FMN2: variants seen among roughly 807,000 people sequenced by gnomAD.
FMN2 encodes formin 2.
Under a neutral mutation model 142.3 loss-of-function variants are expected in FMN2, and 51 were observed. The ratio of observed to expected loss-of-function variants is 0.36; its 90% CI spans 0.29 to 0.45. The LOEUF is 0.45. Ranked by LOEUF, FMN2 falls within the 20% of genes least tolerant of loss-of-function variation. FMN2 has a pLI of 1.00. For synonymous variants in FMN2, 882 were observed against 869.8 expected (o/e 1.01, Z -0.25); for missense variants, 1,936 against 2,122.8 (o/e 0.91, Z 1.73).
At chr1:240,158,242 C>G (rs778543990) in intron 2 of FMN2, among the ~76,000 whole-genome samples, 2 of 151,998 alleles carry the variant, frequency 1.3e-5, no homozygotes, top group Non-Finnish European at 2.9e-5. Flanking sequence ...AAGAAAACCA[C>G]TGGTTTTCAA....
At chr1:240,413,281 G>C (rs1308517327) in intron 15 of FMN2, among the ~76,000 whole-genome samples, 1 of 151,650 alleles carries the variant, frequency 6.6e-6, no homozygotes, top group Non-Finnish European at 1.5e-5. Flanking sequence ...TATGGAACCC[G>C]ATCCATGGGG....
chr1:240,164,723 CTATT>C (rs1272306013), intron 2 of FMN2, among the ~76,000 whole-genome samples: 1 of 152,132 alleles, frequency 6.6e-6, no homozygotes, highest in Non-Finnish European at 1.5e-5. Context: ...TGAAGGTCAT[CTATT>C]TGTGGCTGCT....
At chr1:240,325,763 T>C (rs1028846693) in intron 8 of FMN2, among the ~76,000 whole-genome samples, 1 of 152,300 alleles carries the variant, frequency 6.6e-6, no homozygotes, top group Admixed American at 6.5e-5. Flanking sequence ...TGTGCTTTTG[T>C]TAGTGATTTT....
intron 14 of FMN2, among the ~76,000 whole-genome samples, chr1:240,364,033 A>G (rs752177625): frequency 1.1e-4 from 16 of 152,156 alleles, no homozygotes; most frequent in Admixed American, 3.9e-4. Context: ...CCTTAATGCT[A>G]TTTCTGCTGT....
chr1:240,334,265 T>A, intron 13 of FMN2, 36 bp downstream of exon 13: 2 of 1,548,604 alleles, frequency 1.3e-6, no homozygotes, highest in Non-Finnish European at 1.7e-6. Flanking sequence ...TTTCTGTTTA[T>A]GCTTTTTTAA....
intron 16 of FMN2, among the ~76,000 whole-genome samples, chr1:240,454,589 A>C (rs1676176832): frequency 6.6e-6 from 1 of 152,174 alleles, no homozygotes; most frequent in African/African-American, 2.4e-5. Context: ...TAGATTATAG[A>C]TCTCCTATTT....
chr1:240,148,746 C>G (rs1374838652), intron 2 of FMN2, among the ~76,000 whole-genome samples: 1 of 151,978 alleles, frequency 6.6e-6, no homozygotes, highest in Non-Finnish European at 1.5e-5. Context: ...TTTGGGAGGC[C>G]GAGGCGGGCG....
chr1:240,364,896 AAC>A (rs1410316319), intron 14 of FMN2, among the ~76,000 whole-genome samples: 1 of 152,210 alleles, frequency 6.6e-6, no homozygotes, highest in African/African-American at 2.4e-5. Context: ...TGTGTTCTCT[AAC>A]ACTGTAAGTA....
chr1:240,294,688 G>T, intron 7 of FMN2, 134 bp from the exon 8 acceptor site: 1 of 721,872 alleles, frequency 1.4e-6, no homozygotes. Context: ...CTTTGCAGTG[G>T]GGGCAAGGGG....
intron 6 of FMN2, among the ~76,000 whole-genome samples, chr1:240,248,755 T>A (rs1668175429): frequency 6.6e-6 from 1 of 151,990 alleles, no homozygotes; most frequent in African/African-American, 2.4e-5. Flanking sequence ...TAAATAATAG[T>A]CATTTTAACT....
At chr1:240,239,966 C>A (rs1231931613) in intron 6 of FMN2, among the ~76,000 whole-genome samples, 1 of 152,108 alleles carries the variant, frequency 6.6e-6, no homozygotes, top group African/African-American at 2.4e-5. Context: ...CATAATTTCC[C>A]TGAAATTGAG....
At chr1:240,143,526 G>A in intron 2 of FMN2, 2 of 1,590,586 alleles carry the variant, frequency 1.3e-6, no homozygotes, top group Non-Finnish European at 8.6e-7. Context: ...TGGAGTCAAA[G>A]TGTTCGCTGC....
intron 13 of FMN2, among the ~76,000 whole-genome samples, chr1:240,343,715 A>G (rs1005321191): frequency 5.9e-5 from 9 of 152,194 alleles, no homozygotes; most frequent in African/African-American, 2.2e-4. Flanking sequence ...GTTCAATGAG[A>G]TGAAATTAAT....
At chr1:240,251,688 T>C (rs578162637) in intron 6 of FMN2, among the ~76,000 whole-genome samples, 1 of 152,192 alleles carries the variant, frequency 6.6e-6, no homozygotes, top group East Asian at 1.9e-4. Context: ...CCTACTATTA[T>C]TGTATTTGAG....
At chr1:240,185,732 A>G (rs926509171) in intron 3 of FMN2, among the ~76,000 whole-genome samples, 15 of 152,236 alleles carry the variant, frequency 9.9e-5, no homozygotes, top group African/African-American at 3.6e-4. Flanking sequence ...GTGTACCACC[A>G]GGAGAGCCTT....
intron 16 of FMN2, among the ~76,000 whole-genome samples, chr1:240,447,799 G>C (rs961079600): frequency 6.6e-6 from 1 of 152,188 alleles, no homozygotes; most frequent in Non-Finnish European, 1.5e-5. Context: ...TTTTAGAGGA[G>C]TGCACAAACC....
intron 1 of FMN2, among the ~76,000 whole-genome samples, chr1:240,109,902 C>T (rs1260428649): frequency 1.3e-5 from 2 of 152,090 alleles, no homozygotes; most frequent in African/African-American, 4.8e-5. Flanking sequence ...AGCATGTTTT[C>T]TTCAGCTTGT....
intron 15 of FMN2, among the ~76,000 whole-genome samples, chr1:240,409,816 C>T (rs1011582555): frequency 1.4e-4 from 21 of 152,108 alleles, no homozygotes; most frequent in Admixed American, 3.9e-4. Flanking sequence ...AATCTATAGT[C>T]AGCAAATATT....
chr1:240,145,161 G>A (rs186886387), intron 2 of FMN2: 6 of 1,472,750 alleles, frequency 4.1e-6, no homozygotes, highest in East Asian at 2.3e-5. Flanking sequence ...AGCGCTGGTC[G>A]ATACAGGGAT....
Sources: allele counts gnomAD v4.1 joint callset (sites outside exome capture counted in the v4.1 genomes callset), GRCh38; gene constraint gnomAD v4.1.1; transcripts MANE v1.5; gene names NCBI Gene and HGNC (gene_info 2026-07-23, HGNC 2026-07-21).